The following CDYL variants were observed in gnomAD, a reference collection of about 807,000 sequenced individuals.
The protein encoded by CDYL is chromodomain Y like, also known as chromodomain Y-like protein.
CDYL carries 8 observed loss-of-function variants against 47.3 expected under a neutral mutation model. The observed-to-expected ratio is 0.17, with a 90% CI of 0.10 to 0.31. The LOEUF is 0.31. Among genes scored for constraint, CDYL ranks in the 10% least tolerant of loss-of-function variants. The pLI is 1.00. For synonymous variants in CDYL, 266 were observed against 265.0 expected (o/e 1.00, Z -0.04); for missense variants, 471 against 701.4 (o/e 0.67, Z 3.71).
At chr6:4,776,218 C>G (rs1215353418), upstream of CDYL, among the ~76,000 whole-genome samples, 22 of 140,292 alleles carry the variant, frequency 1.6e-4, no homozygotes, top group Admixed American at 1.5e-3. Context: ...CCTGCCGGCT[C>G]GCTCCCGGCC....
intron 3 of CDYL, among the ~76,000 whole-genome samples, chr6:4,754,446 C>T (rs1758045350): frequency 6.6e-6 from 1 of 152,156 alleles, no homozygotes; most frequent in African/African-American, 2.4e-5. Flanking sequence ...ATACATAGTT[C>T]TTGGACTCAC....
chr6:4,886,486 G>A (rs944652341), intron 1 of CDYL, among the ~76,000 whole-genome samples: 12 of 152,302 alleles, frequency 7.9e-5, no homozygotes, highest in South Asian at 2.1e-4. Context: ...GATGTTGAGC[G>A]TCTTTCCGTG....
At chr6:4,766,830 C>A (rs992886347) in intron 3 of CDYL, among the ~76,000 whole-genome samples, 2 of 151,702 alleles carry the variant, frequency 1.3e-5, no homozygotes, top group Non-Finnish European at 2.9e-5. Context: ...CTGGTGAAAC[C>A]CTGTTCTCCA....
intron 2 of CDYL, among the ~76,000 whole-genome samples, chr6:4,928,904 G>C (rs1011868082): frequency 6.6e-6 from 1 of 151,956 alleles, no homozygotes; most frequent in Non-Finnish European, 1.5e-5. Context: ...TGTTAAGTTG[G>C]TATGAAAGCA....
chr6:4,757,343 A>G (rs1217209352), intron 3 of CDYL, among the ~76,000 whole-genome samples: 5 of 152,214 alleles, frequency 3.3e-5, no homozygotes, highest in Admixed American at 6.5e-5. Flanking sequence ...TTATAAAACA[A>G]TGGTCATGAT....
chr6:4,848,751 A>G (rs1312939629), intron 1 of CDYL, among the ~76,000 whole-genome samples: 1 of 152,182 alleles, frequency 6.6e-6, no homozygotes, highest in Non-Finnish European at 1.5e-5. Flanking sequence ...CTAAGGATTG[A>G]GGGTCGTGGG....
Position 4,900,813 on chromosome 6 carries a change from ATATATATATATATATATCT to A in CDYL, c.691+8436_691+8454del, listed in dbSNP as rs1298860795. ...TATATATATATATATATATATATAT[ATATATATATATATATATCT>A]TGCCTGTTTTTCTTTTGGGTGGTTT... On this transcript the variant is annotated intron_variant, in intron 2 of 6. Transcript: ENST00000397588. Among the ~76,000 whole-genome samples the A allele has an allele frequency of 7.2e-3, 664 of 92,334 alleles. 11 individuals carry two copies. The highest frequency in any genetic ancestry group is 0.01 in the Non-Finnish European group (453 of 43,468). The allele number at this position is 92,334 out of a possible 152,430, so 60.6% of individuals were successfully genotyped here. A position where few individuals can be genotyped will look rare whatever the true frequency, so the allele number is the denominator to read the frequency against.
At chr6:4,864,661 A>T (rs192687386) in intron 1 of CDYL, among the ~76,000 whole-genome samples, 1 of 152,264 alleles carries the variant, frequency 6.6e-6, no homozygotes, top group African/African-American at 2.4e-5. Flanking sequence ...AAGTCTCACA[A>T]GATCTGATGG....
At chr6:4,889,795 C>A (rs1217384657) in intron 1 of CDYL, among the ~76,000 whole-genome samples, 1 of 152,208 alleles carries the variant, frequency 6.6e-6, no homozygotes, top group Non-Finnish European at 1.5e-5. Context: ...AATGTGTCCA[C>A]TATGACTTCC....
chr6:4,806,131 A>G (rs1356995753), intron 1 of CDYL, among the ~76,000 whole-genome samples: 2 of 152,226 alleles, frequency 1.3e-5, no homozygotes, highest in Admixed American at 6.5e-5. Flanking sequence ...GCCATCCACA[A>G]AGTCCTCTGA....
At chr6:4,845,886 C>T (rs986693410) in intron 1 of CDYL, among the ~76,000 whole-genome samples, 4 of 152,040 alleles carry the variant, frequency 2.6e-5, no homozygotes, top group Non-Finnish European at 5.9e-5. Flanking sequence ...CCTTGTTCCA[C>T]GAGTTGAATG....
chr6:4,794,420 A>G (rs1759013195), intron 1 of CDYL, among the ~76,000 whole-genome samples: 1 of 152,158 alleles, frequency 6.6e-6, no homozygotes, highest in African/African-American at 2.4e-5. Context: ...GCATGGGCTC[A>G]TGAGAGAATG....
intron 2 of CDYL, among the ~76,000 whole-genome samples, chr6:4,727,169 G>A (rs1757528194): frequency 6.6e-6 from 1 of 152,108 alleles, no homozygotes; most frequent in Admixed American, 6.5e-5. Context: ...GCCAACACAA[G>A]GAATGGGGTG....
intron 1 of CDYL, among the ~76,000 whole-genome samples, chr6:4,712,283 C>T (rs995938725): frequency 6.6e-6 from 1 of 152,114 alleles, no homozygotes; most frequent in Non-Finnish European, 1.5e-5. Flanking sequence ...AGCAATAATC[C>T]CAAATCCTTG....
chr6:4,746,317 T>C lies in CDYL; in HGVS notation c.186+11473T>C, dbSNP rs1014166521. Among the ~76,000 whole-genome samples, 6 of 149,724 alleles carry C rather than the reference T, an allele frequency of 4.0e-5. 1 individual carries two copies. Among genetic ancestry groups the C allele is most frequent in the African/African-American group, 9.9e-5 (4 of 40,302 alleles). The stretch of plus-strand genomic sequence containing the variant: ...AGGCGGAGGTTGCAATGAACCAAGA[T>C]TGCCCCATTGCACTTCAGCCTGGGT... On this transcript the variant is annotated intron_variant, in intron 3 of 8. Coordinates refer to the CDYL transcript ENST00000328908.
chr6:4,726,714 G>T (rs886100868), intron 2 of CDYL, among the ~76,000 whole-genome samples: 11 of 147,278 alleles, frequency 7.5e-5, no homozygotes, highest in African/African-American at 2.8e-4. Flanking sequence ...AAAAAAAAAA[G>T]TCGAATAAAT....
At chr6:4,839,801 A>G (rs959655457) in intron 1 of CDYL, among the ~76,000 whole-genome samples, 21 of 152,136 alleles carry the variant, frequency 1.4e-4, no homozygotes, top group Non-Finnish European at 1.6e-4. Flanking sequence ...TACCAGTACC[A>G]TGCTGTTTTG....
At chr6:4,886,199 A>G (rs920241017) in intron 1 of CDYL, among the ~76,000 whole-genome samples, 1 of 152,202 alleles carries the variant, frequency 6.6e-6, no homozygotes, top group South Asian at 2.1e-4. Flanking sequence ...CAGTGCTGCT[A>G]TGAACATTCT....
chr6:4,717,045 C>T (rs960091602), intron 2 of CDYL, among the ~76,000 whole-genome samples: 1 of 152,076 alleles, frequency 6.6e-6, no homozygotes, highest in African/African-American at 2.4e-5. Context: ...TTGGGGCATT[C>T]AAGGGAAGCA....
Sources: gnomAD v4.1 joint callset for allele counts (sites outside exome capture counted in the v4.1 genomes callset) on GRCh38, gnomAD v4.1.1 for gene constraint, MANE v1.5 for transcripts, NCBI Gene and HGNC (gene_info 2026-07-23, HGNC 2026-07-21) for gene names.